SUMF1: variants seen among roughly 807,000 people sequenced by gnomAD.
SUMF1 encodes formylglycine-generating enzyme.
A neutral mutation model predicts 47.6 loss-of-function variants in SUMF1; 48 were observed. That is an observed-to-expected ratio of 1.01 (90% CI 0.80 to 1.28). The LOEUF is 1.28. Ranked by LOEUF, SUMF1 falls within the 50% of genes most tolerant of loss-of-function variation. SUMF1 has a pLI of 0.00. For synonymous variants in SUMF1, 230 were observed against 192.1 expected (o/e 1.20, Z -1.63); for missense variants, 571 against 485.4 (o/e 1.18, Z -1.66).
chr3:4,362,771 G>A (rs774402952), intron 8 of SUMF1, among the ~76,000 whole-genome samples: 49 of 152,104 alleles, frequency 3.2e-4, no homozygotes, highest in Non-Finnish European at 6.6e-4. Context: ...AAAATTAGCT[G>A]AGCATGGTGG....
chr3:4,084,342 A>C (rs962265590), intron 8 of SUMF1, among the ~76,000 whole-genome samples: 4 of 152,148 alleles, frequency 2.6e-5, no homozygotes, highest in African/African-American at 9.7e-5. Flanking sequence ...GAAATGTTGT[A>C]ATTTCCCAAA....
chr3:4,111,705 C>G (rs1215654544), intron 8 of SUMF1, among the ~76,000 whole-genome samples: 1 of 152,052 alleles, frequency 6.6e-6, no homozygotes, highest in Non-Finnish European at 1.5e-5. Context: ...TGCCATTGCA[C>G]TGCAGCCTGG....
intron 3 of SUMF1, among the ~76,000 whole-genome samples, chr3:4,432,998 C>T (rs573047128): frequency 2.0e-5 from 3 of 152,214 alleles, no homozygotes; most frequent in Non-Finnish European, 4.4e-5. Flanking sequence ...CCTTTTGTGC[C>T]ACTTCGTGGG....
At chr3:4,417,076 G>A (rs1701737915) in intron 6 of SUMF1, 52 bp downstream of exon 6, 3 of 1,545,852 alleles carry the variant, frequency 1.9e-6, no homozygotes, top group East Asian at 2.2e-5. Flanking sequence ...TGTCTACTGG[G>A]AGCCTCAGTT....
intron 8 of SUMF1, among the ~76,000 whole-genome samples, chr3:4,272,806 G>T (rs75624706): frequency 0.017 from 2,552 of 152,168 alleles, 88 homozygotes; most frequent in African/African-American, 0.059. Context: ...AAGTACTGTG[G>T]CTCATACTTG....
At position 4,416,133 on chromosome 3, in the gene SUMF1, T is replaced by C. The variant is rs185575766; in HGVS notation, c.840+995A>G. Among the ~76,000 whole-genome samples, 3 of 152,300 alleles carry C rather than the reference T, an allele frequency of 2.0e-5. No individual in the cohort carries two copies. The East Asian group carries it at 5.8e-4, about 29-fold the overall frequency. ...TGAGAAAAGATTTCTTATACACCAA[T>C]AGAGGAAAACATGCCCCAAGCATTC... On this transcript the variant is annotated intron_variant, in intron 6 of 8. Transcript: ENST00000272902.
At chr3:4,251,266 G>A (rs537998807) in intron 8 of SUMF1, among the ~76,000 whole-genome samples, 1 of 152,182 alleles carries the variant, frequency 6.6e-6, no homozygotes, top group Non-Finnish European at 1.5e-5. Context: ...AAATGAACTA[G>A]AATTAGAAGT....
downstream of SUMF1, among the ~76,000 whole-genome samples, chr3:4,358,785 A>G (rs1243117673): frequency 6.6e-6 from 1 of 152,200 alleles, no homozygotes; most frequent in African/African-American, 2.4e-5. Flanking sequence ...GGAGAAATCT[A>G]CATCCCAGAT....
intron 8 of SUMF1, among the ~76,000 whole-genome samples, chr3:4,151,554 T>TACAC (rs781615061): frequency 5.5e-4 from 54 of 98,238 alleles, no homozygotes; most frequent in Middle Eastern, 5.0e-3. Flanking sequence ...TGTGTGTGTA[T>TACAC]ATACACACAC....
chr3:4,049,582 G>A (rs1436017015), intron 9 of SUMF1, among the ~76,000 whole-genome samples: 1 of 152,122 alleles, frequency 6.6e-6, no homozygotes, highest in African/African-American at 2.4e-5. Context: ...CATGCAGACA[G>A]GTAGGTTCAG....
chr3:4,088,228 C>T (rs1473295607), intron 8 of SUMF1, among the ~76,000 whole-genome samples: 1 of 152,020 alleles, frequency 6.6e-6, no homozygotes. Context: ...CCATCTATTC[C>T]TTCCACTCTC....
At chr3:4,343,355 TAC>T (rs1699311132) in intron 8 of SUMF1, among the ~76,000 whole-genome samples, 1 of 152,168 alleles carries the variant, frequency 6.6e-6, no homozygotes, top group Admixed American at 6.5e-5. Context: ...GCATGGCAAT[TAC>T]ACACAGTTAA....
chr3:4,234,909 A>T (rs965135803), intron 8 of SUMF1, among the ~76,000 whole-genome samples: 1 of 152,220 alleles, frequency 6.6e-6, no homozygotes, highest in African/African-American at 2.4e-5. Flanking sequence ...TATCAAGGGC[A>T]TTTGTATGTA....
At chr3:4,071,609 C>G (rs1005983476) in intron 8 of SUMF1, among the ~76,000 whole-genome samples, 4 of 152,294 alleles carry the variant, frequency 2.6e-5, no homozygotes, top group Middle Eastern at 3.4e-3. Context: ...GATGCTGGAG[C>G]TTAGTGGGGG....
intron 8 of SUMF1, among the ~76,000 whole-genome samples, chr3:4,375,947 C>T (rs62257908): frequency 2.1e-3 from 315 of 152,322 alleles, no homozygotes; most frequent in Non-Finnish European, 3.1e-3. Context: ...ATACATAACT[C>T]TCACCTGAAT....
chr3:4,285,212 G>A (rs990953779), intron 8 of SUMF1, among the ~76,000 whole-genome samples: 38 of 152,260 alleles, frequency 2.5e-4, no homozygotes, highest in African/African-American at 8.9e-4. Flanking sequence ...TATGCTTAAA[G>A]TAGTTTGACT....
chr3:4,355,304 C>T (rs950347888), intron 8 of SUMF1, among the ~76,000 whole-genome samples: 3 of 152,192 alleles, frequency 2.0e-5, no homozygotes, highest in African/African-American at 7.2e-5. Context: ...CTGTAGTGAG[C>T]CATGATTGCA....
At chr3:4,182,012 T>C (rs1306724595) in intron 8 of SUMF1, among the ~76,000 whole-genome samples, 2 of 152,234 alleles carry the variant, frequency 1.3e-5, no homozygotes, top group Non-Finnish European at 2.9e-5. Context: ...TTGTTTGTTA[T>C]AGTTCGATTT....
chr3:4,282,545 A>T (rs1456015089), intron 8 of SUMF1, among the ~76,000 whole-genome samples: 1 of 152,190 alleles, frequency 6.6e-6, no homozygotes, highest in Non-Finnish European at 1.5e-5. Context: ...AAAAATCCTT[A>T]TGGTAACATG....
Sources: gnomAD v4.1 joint callset for allele counts (sites outside exome capture counted in the v4.1 genomes callset) on GRCh38, gnomAD v4.1.1 for gene constraint, MANE v1.5 for transcripts, NCBI Gene and HGNC (gene_info 2026-07-23, HGNC 2026-07-21) for gene names.